The following KCNIP1 variants were observed in gnomAD, a reference collection of about 807,000 sequenced individuals.
KCNIP1 encodes the protein potassium voltage-gated channel interacting protein 1, also known as A-type potassium channel modulatory protein KCNIP1.
Under a neutral mutation model 33.0 loss-of-function variants are expected in KCNIP1, and 18 were observed. The ratio of observed to expected loss-of-function variants is 0.55; its 90% CI spans 0.38 to 0.81. The LOEUF is 0.81. KCNIP1 is among the 30% of genes least tolerant of loss of function. The pLI, the probability that KCNIP1 is intolerant of heterozygous loss-of-function variation, is 0.00. For missense variants in KCNIP1, 238 were observed against 271.6 expected (o/e 0.88, Z 0.87); for synonymous variants, 93 against 98.3 (o/e 0.95, Z 0.32).
chr5:170,509,437 C>T (rs1242244391), intron 1 of KCNIP1, among the ~76,000 whole-genome samples: 1 of 152,208 alleles, frequency 6.6e-6, no homozygotes, highest in Non-Finnish European at 1.5e-5. Context: ...GACTTGGTCT[C>T]TGGAAAAGGG....
chr5:170,675,298 CA>C (rs1762088731), intron 1 of KCNIP1, among the ~76,000 whole-genome samples: 1 of 151,014 alleles, frequency 6.6e-6, no homozygotes. Context: ...GACCCTGTCT[CA>C]AAAAATATAT....
chr5:170,710,994 G>A (rs1001716160), intron 1 of KCNIP1, among the ~76,000 whole-genome samples: 4 of 152,158 alleles, frequency 2.6e-5, no homozygotes, highest in Non-Finnish European at 5.9e-5. Context: ...CCTTCCCAAA[G>A]GTGTGTTATA....
chr5:170,375,080 A>G (rs1561590235), intron 1 of KCNIP1: 1 of 152,216 alleles, frequency 6.6e-6, no homozygotes, highest in Non-Finnish European at 1.5e-5. Context: ...TCAGACTCCA[A>G]GTTGGGACTT....
At chr5:170,530,326 A>G (rs1048340900) in intron 1 of KCNIP1, among the ~76,000 whole-genome samples, 5 of 152,236 alleles carry the variant, frequency 3.3e-5, no homozygotes, top group African/African-American at 1.2e-4. Context: ...GTCAGGTACT[A>G]TAATAGAGGC....
chr5:170,396,230 G>A (rs1754759473), intron 1 of KCNIP1, among the ~76,000 whole-genome samples: 1 of 152,208 alleles, frequency 6.6e-6, no homozygotes, highest in African/African-American at 2.4e-5. Context: ...TGAGGGCTGA[G>A]GGAAGGGAGC....
chr5:170,606,251 G>T (rs903265941), intron 1 of KCNIP1, among the ~76,000 whole-genome samples: 10 of 152,046 alleles, frequency 6.6e-5, no homozygotes, highest in African/African-American at 2.4e-4. Flanking sequence ...AATTCTTTGG[G>T]GTATATACCC....
At position 170,395,301 on chromosome 5, in the gene KCNIP1, C is replaced by T. The variant is rs574841185; in HGVS notation, c.88+41337C>T. Among the ~76,000 whole-genome samples the T allele has an allele frequency of 4.6e-5, 7 of 152,294 alleles. No homozygotes were observed. In the South Asian group the frequency reaches 6.2e-4, roughly 14 times the overall value. On this transcript the variant is annotated intron_variant, in intron 1 of 7. Coordinates refer to the KCNIP1 transcript ENST00000377360. ...TTAGTAATAGCTATTCTGACTGGTACGAGGTGACATCTCATTGTGGTTTAA... is the reference window on the plus strand; with the variant it reads ...TTAGTAATAGCTATTCTGACTGGTATGAGGTGACATCTCATTGTGGTTTAA...
rs140281030 is a variant in KCNIP1, at chr5:170,722,735, T to C, written c.350T>C (p.Ile117Thr). Residue 117 changes from isoleucine to threonine, a missense_variant, in exon 5 of 8, where the codon ATT becomes ACT. By Grantham distance (89) the Ile-to-Thr change is moderately conservative (BLOSUM62 -1). Coordinates refer to ENST00000328939, the MANE Select transcript of KCNIP1 (RefSeq NM_014592.4). The part of the protein sequence containing the change: ...KFEDFVTALS[I>T]LLRGTVHEKL... ...CAGGACTTTGTAACCGCTCTGTCGATTTTATTGAGAGGAACTGTCCACGAG... is the reference window on the plus strand; with the variant it reads ...CAGGACTTTGTAACCGCTCTGTCGACTTTATTGAGAGGAACTGTCCACGAG... 4 of 1,613,422 alleles carry C rather than the reference T, an allele frequency of 2.5e-6. No homozygotes were observed. The highest frequency in any genetic ancestry group is 2.2e-5 in the East Asian group (1 of 44,874).
chr5:170,371,278 AC>A (rs1763836088), intron 1 of KCNIP1, among the ~76,000 whole-genome samples: 1 of 152,026 alleles, frequency 6.6e-6, no homozygotes, highest in Admixed American at 6.6e-5. Flanking sequence ...CCACAGCAGA[AC>A]CTTTGTGGGA....
intron 1 of KCNIP1, chr5:170,383,656 T>A (rs1764343690): frequency 1.2e-6 from 2 of 1,606,638 alleles, no homozygotes; most frequent in Non-Finnish European, 1.7e-6. Context: ...AAGGGATGTG[T>A]CCCCATCCCT....
At chr5:170,643,859 C>T (rs180980139) in intron 1 of KCNIP1, among the ~76,000 whole-genome samples, 13 of 152,322 alleles carry the variant, frequency 8.5e-5, no homozygotes, top group East Asian at 3.9e-4. Context: ...ACCTGTGTAA[C>T]GAATGGGGCA....
Position 170,469,205 on chromosome 5 carries a change from G to A in KCNIP1, c.88+115241G>A, listed in dbSNP as rs115039772. On this transcript the variant is annotated intron_variant, in intron 1 of 7. Coordinates refer to the KCNIP1 transcript ENST00000377360. ...AGGCCAGAAGTTCAAGATCAGCCTG[G>A]GCAACATAGTGAGACCCGATCTGCA... 5.2e-3 allele frequency among the ~76,000 whole-genome samples: 787 copies of A among 152,094 alleles called. 10 individuals carry two copies. The highest frequency in any genetic ancestry group is 0.017 in the African/African-American group (726 of 41,498).
intron 1 of KCNIP1, among the ~76,000 whole-genome samples, chr5:170,372,958 T>C (rs78038631): frequency 0.25 from 37,447 of 152,114 alleles, 4,782 homozygotes; most frequent in Middle Eastern, 0.33. Flanking sequence ...TCTAAGCCAC[T>C]TTTGACTCTG....
chr5:170,632,891 A>T (rs1561730526), intron 1 of KCNIP1, among the ~76,000 whole-genome samples: 1 of 152,222 alleles, frequency 6.6e-6, no homozygotes, highest in Non-Finnish European at 1.5e-5. Flanking sequence ...AAAAGCACCC[A>T]GCACGCACCC....
At chr5:170,629,114 C>G (rs1031915770) in intron 1 of KCNIP1, among the ~76,000 whole-genome samples, 4 of 152,234 alleles carry the variant, frequency 2.6e-5, no homozygotes, top group Non-Finnish European at 5.9e-5. Context: ...TCTGTTCCCT[C>G]CTTCGCCCCT....
At position 170,504,405 on chromosome 5, in the gene KCNIP1, A is replaced by G. The variant is rs1754622197; in HGVS notation, c.-168A>G. On this transcript the variant is annotated 5_prime_UTR_variant, in exon 1 of 8. Transcript: ENST00000328939. This position sits in a 1 kb window ranked among gnomAD's most constrained non-coding sequence, Gnocchi z 6.0. ...ATGTGCGGGGCTGAAGAAGGAAGCCAGAAGCCTCCTAGCCTCGCCTCCACG... is the reference window on the plus strand; with the variant it reads ...ATGTGCGGGGCTGAAGAAGGAAGCCGGAAGCCTCCTAGCCTCGCCTCCACG... 2 of 1,446,772 alleles carry G rather than the reference A, an allele frequency of 1.4e-6. No homozygotes were observed. The highest frequency in any genetic ancestry group is 1.8e-6 in the Non-Finnish European group (2 of 1,106,240). 89.6% of individuals were successfully genotyped at this position (1,446,772 alleles called of 1,614,324 possible). A position where few individuals can be genotyped will look rare whatever the true frequency, so the allele number is the denominator to read the frequency against.
At chr5:170,402,930 A>C (rs1754945434) in intron 1 of KCNIP1, among the ~76,000 whole-genome samples, 1 of 152,226 alleles carries the variant, frequency 6.6e-6, no homozygotes, top group Non-Finnish European at 1.5e-5. Flanking sequence ...GTCACAGAGC[A>C]TTTAAGTCAC....
At chr5:170,370,373 A>G (rs1303514657) in intron 1 of KCNIP1, among the ~76,000 whole-genome samples, 4 of 152,204 alleles carry the variant, frequency 2.6e-5, no homozygotes, top group Non-Finnish European at 5.9e-5. Flanking sequence ...AATTGAGGAA[A>G]CTGAGATTCA....
chr5:170,396,684 G>C (rs1373050579), intron 1 of KCNIP1, among the ~76,000 whole-genome samples: 1 of 152,206 alleles, frequency 6.6e-6, no homozygotes, highest in Non-Finnish European at 1.5e-5. Flanking sequence ...TTTGCCTAAA[G>C]AGTTGAAGTC....
Sources: gnomAD v4.1 joint callset for allele counts (sites outside exome capture counted in the v4.1 genomes callset) on GRCh38, gnomAD v4.1.1 for gene constraint, Gnocchi (gnomAD v3.1) non-coding constraint, MANE v1.5 for transcripts, NCBI Gene and HGNC (gene_info 2026-07-23, HGNC 2026-07-21) for gene names.